The following OPCML variants were observed in gnomAD, a reference collection of about 807,000 sequenced individuals.
OPCML encodes opioid-binding protein/cell adhesion molecule.
A neutral mutation model predicts 37.8 loss-of-function variants in OPCML; 13 were observed. The observed-to-expected ratio is 0.34, with a 90% confidence interval of 0.22 to 0.55. The LOEUF is 0.55. OPCML is among the 20% of genes least tolerant of loss of function. OPCML has a pLI of 0.91. For missense variants in OPCML, 341 were observed against 435.6 expected (o/e 0.78, Z 1.93); for synonymous variants, 176 against 168.8 (o/e 1.04, Z -0.33).
At chr11:132,507,880 A>T (rs2096260819) in intron 4 of OPCML, among the ~76,000 whole-genome samples, 2 of 152,070 alleles carry the variant, frequency 1.3e-5, no homozygotes, top group South Asian at 4.1e-4. Flanking sequence ...ACATTAAAAA[A>T]TAAACATCAT....
intron 1 of OPCML, among the ~76,000 whole-genome samples, chr11:133,109,213 C>G (rs191378960): frequency 6.6e-6 from 1 of 152,142 alleles, no homozygotes; most frequent in African/African-American, 2.4e-5. Context: ...AATGAAGCCA[C>G]GGAACTTTGC....
intron 3 of OPCML, among the ~76,000 whole-genome samples, chr11:132,574,253 T>TTTTTGG (rs2096445025): frequency 6.6e-6 from 1 of 150,898 alleles, no homozygotes; most frequent in Admixed American, 6.6e-5. Flanking sequence ...TGTTTTTTTT[T>TTTTTGG]TTTTGGTTTT....
chr11:133,419,291 C>T (rs182303185), intron 1 of OPCML: 10 of 985,320 alleles, frequency 1.0e-5, no homozygotes, highest in East Asian at 1.1e-4. Context: ...TGTGAAACCT[C>T]GAGATGTCTG....
At chr11:133,071,504 GT>G (rs1373221260) in intron 1 of OPCML, among the ~76,000 whole-genome samples, 1 of 152,138 alleles carries the variant, frequency 6.6e-6, no homozygotes. Flanking sequence ...TGCAAATTTT[GT>G]CAAAGGAATA....
At chr11:133,082,441 T>C (rs1948741377) in intron 1 of OPCML, among the ~76,000 whole-genome samples, 1 of 67,294 alleles carries the variant, frequency 1.5e-5, no homozygotes, top group Admixed American at 1.7e-4. Context: ...CCCCATCCTT[T>C]CTCTTCCCCT....
At chr11:132,933,764 C>A (rs1307510545) in intron 2 of OPCML, among the ~76,000 whole-genome samples, 1 of 152,010 alleles carries the variant, frequency 6.6e-6, no homozygotes, top group African/African-American at 2.4e-5. Context: ...TTGGGAGAAG[C>A]AATAAAAATG....
At chr11:133,209,713 A>G (rs1415316751) in intron 1 of OPCML, among the ~76,000 whole-genome samples, 2 of 152,210 alleles carry the variant, frequency 1.3e-5, no homozygotes, top group African/African-American at 4.8e-5. Flanking sequence ...ACAAATGAAT[A>G]CATGGGTGGA....
chr11:132,824,664 G>A (rs1325565599), intron 2 of OPCML, among the ~76,000 whole-genome samples: 1 of 152,228 alleles, frequency 6.6e-6, no homozygotes, highest in East Asian at 1.9e-4. Flanking sequence ...TAACCTGTGT[G>A]TTCACACATT....
intron 3 of OPCML, among the ~76,000 whole-genome samples, chr11:132,581,434 G>A (rs2096461817): frequency 6.6e-6 from 1 of 152,180 alleles, no homozygotes; most frequent in Non-Finnish European, 1.5e-5. Flanking sequence ...TTGTGATTGT[G>A]TATAAAGTTA....
chr11:133,482,779 A>G (rs1947406545), intron 1 of OPCML, among the ~76,000 whole-genome samples: 1 of 152,206 alleles, frequency 6.6e-6, no homozygotes, highest in African/African-American at 2.4e-5. Flanking sequence ...TAGACACAGT[A>G]TAGATTAAAA....
At chr11:133,255,011 T>C (rs1941265896) in intron 1 of OPCML, among the ~76,000 whole-genome samples, 1 of 152,184 alleles carries the variant, frequency 6.6e-6, no homozygotes. Flanking sequence ...GTTTTTTAAA[T>C]CCACCATTGT....
chr11:132,747,148 T>A (rs1414843220), intron 2 of OPCML, among the ~76,000 whole-genome samples: 1 of 152,096 alleles, frequency 6.6e-6, no homozygotes, highest in Non-Finnish European at 1.5e-5. Context: ...TATGACAAAG[T>A]TCCAAAGTGA....
chr11:133,402,274 A>G (rs757058827), intron 1 of OPCML, among the ~76,000 whole-genome samples: 10 of 152,118 alleles, frequency 6.6e-5, no homozygotes, highest in Admixed American at 2.6e-4. Flanking sequence ...TCTGGCAATA[A>G]CAAGCCCACC....
At chr11:132,657,356 G>C in intron 2 of OPCML, 37 bp from the exon 3 acceptor site, 2 of 1,608,386 alleles carry the variant, frequency 1.2e-6, no homozygotes, top group Non-Finnish European at 1.7e-6. Flanking sequence ...GGAGGAAGAA[G>C]GGAAAGAGAG....
rs536506790 is a variant in OPCML, at chr11:133,351,697, C to A, written c.61+180567G>T. On this transcript the variant is annotated intron_variant, in intron 1 of 7. Coordinates refer to ENST00000524381, the MANE Select transcript of OPCML (RefSeq NM_001012393.5). ...GTTATTTCCAAACCTATATCCTTAA[C>A]CCAGTTCACTTTCCTGAACACAAAA... Among the ~76,000 whole-genome samples, 277 of 152,226 alleles carry A rather than the reference C, an allele frequency of 1.8e-3. 1 individual carries two copies. Among genetic ancestry groups the A allele is most frequent in the Middle Eastern group, 0.01 (3 of 294 alleles).
At chr11:132,616,245 T>C (rs1939007177) in intron 3 of OPCML, among the ~76,000 whole-genome samples, 1 of 152,234 alleles carries the variant, frequency 6.6e-6, no homozygotes, top group Admixed American at 6.5e-5. Flanking sequence ...GCTCACCTAC[T>C]TGTTATACAG....
intron 1 of OPCML, among the ~76,000 whole-genome samples, chr11:133,355,193 G>A (rs1944255569): frequency 6.6e-6 from 1 of 152,212 alleles, no homozygotes; most frequent in African/African-American, 2.4e-5. Flanking sequence ...CAAATTAAAT[G>A]TAATAGCAGC....
At chr11:132,700,545 G>A (rs534150702) in intron 2 of OPCML, among the ~76,000 whole-genome samples, 19 of 152,010 alleles carry the variant, frequency 1.2e-4, no homozygotes, top group Non-Finnish European at 2.1e-4. Context: ...TTGACCCCTC[G>A]TGGTTCAGTA....
At chr11:133,251,579 G>A (rs887971734) in intron 1 of OPCML, among the ~76,000 whole-genome samples, 5 of 151,108 alleles carry the variant, frequency 3.3e-5, no homozygotes, top group African/African-American at 9.7e-5. Flanking sequence ...TCTTTTTTTG[G>A]GGGGGGGAGG....
Sources: gnomAD v4.1 joint callset for allele counts (sites outside exome capture counted in the v4.1 genomes callset) on GRCh38, gnomAD v4.1.1 for gene constraint, MANE v1.5 for transcripts, NCBI Gene and HGNC (gene_info 2026-07-23, HGNC 2026-07-21) for gene names.